Variants in BACH2 observed in about 807,000 individuals in gnomAD.
BACH2 encodes the protein transcription regulator protein BACH2.
In BACH2, 5 loss-of-function variants were observed where a neutral mutation model predicts 61.8. The observed-to-expected ratio is 0.08, with a 90% CI of 0.04 to 0.17. The LOEUF (loss-of-function observed/expected upper bound fraction) is 0.17. Ranked by LOEUF, BACH2 falls within the 10% of genes least tolerant of loss-of-function variation. The pLI is 1.00. For missense variants in BACH2, 824 were observed against 1,091.1 expected, an observed-to-expected ratio of 0.76 and a Z score of 3.45; for synonymous variants, 446 against 440.1, an observed-to-expected ratio of 1.01 and a Z score of -0.17.
chr6:90,286,741 T>G (rs534227358), intron 1 of BACH2, among the ~76,000 whole-genome samples: 1 of 152,106 alleles, frequency 6.6e-6, no homozygotes, highest in Admixed American at 6.5e-5. Context: ...TTAAAATGCA[T>G]AGAATTCTCT....
intron 2 of BACH2, among the ~76,000 whole-genome samples, chr6:90,266,267 G>C (rs1771325708): frequency 6.6e-6 from 1 of 152,132 alleles, no homozygotes; most frequent in Non-Finnish European, 1.5e-5. Flanking sequence ...GTTTAACGAA[G>C]ATACTGAAGC....
intron 5 of BACH2, among the ~76,000 whole-genome samples, chr6:90,041,871 G>T (rs1459611216): frequency 6.6e-6 from 1 of 151,864 alleles, no homozygotes; most frequent in Non-Finnish European, 1.5e-5. Context: ...AGGATTTTTT[G>T]ATATACTTTT....
intron 2 of BACH2, among the ~76,000 whole-genome samples, chr6:90,254,667 G>C (rs946562905): frequency 6.6e-6 from 1 of 151,866 alleles, no homozygotes; most frequent in East Asian, 1.9e-4. Context: ...TTTCCTCTTG[G>C]ACTTTTATCC....
intron 5 of BACH2, among the ~76,000 whole-genome samples, chr6:90,042,271 C>T (rs1779572930): frequency 6.6e-6 from 1 of 152,152 alleles, no homozygotes; most frequent in South Asian, 2.1e-4. Flanking sequence ...TGGGTCACTG[C>T]AACCTCCGCC....
At chr6:90,263,039 T>C (rs564140620) in intron 2 of BACH2, among the ~76,000 whole-genome samples, 4 of 152,290 alleles carry the variant, frequency 2.6e-5, no homozygotes, top group African/African-American at 7.2e-5. Context: ...ATATGTAAAA[T>C]TGGAATTTAA....
chr6:90,131,376 G>A (rs539381500), intron 4 of BACH2, among the ~76,000 whole-genome samples: 1 of 152,312 alleles, frequency 6.6e-6, no homozygotes, highest in East Asian at 1.9e-4. Flanking sequence ...AAAAGAAAGG[G>A]TCACCTTTGT....
chr6:90,287,976 A>G (rs1289746286), intron 1 of BACH2, among the ~76,000 whole-genome samples: 1 of 152,186 alleles, frequency 6.6e-6, no homozygotes, highest in Non-Finnish European at 1.5e-5. Context: ...GTGAGCACAG[A>G]AGGAGGATGG....
intron 5 of BACH2, among the ~76,000 whole-genome samples, chr6:90,019,707 G>A (rs1778275616): frequency 6.6e-6 from 1 of 152,212 alleles, no homozygotes; most frequent in African/African-American, 2.4e-5. Context: ...CCCCTGCAGA[G>A]CTGGTTACAG....
intron 1 of BACH2, among the ~76,000 whole-genome samples, chr6:90,296,232 C>T (rs1475494356): frequency 2.0e-5 from 3 of 151,984 alleles, no homozygotes; most frequent in Non-Finnish European, 4.4e-5. Context: ...CGTAAACAGC[C>T]GGGAGGGAGA....
chr6:90,027,592 T>A (rs1374001992), intron 5 of BACH2, among the ~76,000 whole-genome samples: 2 of 152,180 alleles, frequency 1.3e-5, no homozygotes, highest in Non-Finnish European at 2.9e-5. Context: ...GGCCAGGTGG[T>A]ACCGGAGAGA....
chr6:90,205,241 C>T (rs917009557), intron 4 of BACH2, among the ~76,000 whole-genome samples: 3 of 152,166 alleles, frequency 2.0e-5, no homozygotes, highest in Non-Finnish European at 4.4e-5. Context: ...ACCAAACCAT[C>T]GAACAGGGCT....
At chr6:90,281,380 T>TA (rs1418855324) in intron 1 of BACH2, among the ~76,000 whole-genome samples, 1 of 152,208 alleles carries the variant, frequency 6.6e-6, no homozygotes, top group African/African-American at 2.4e-5. Flanking sequence ...CACACATATA[T>TA]AAAAAACATA....
chr6:90,054,164 G>T (rs1780198461), intron 5 of BACH2, among the ~76,000 whole-genome samples: 1 of 152,226 alleles, frequency 6.6e-6, no homozygotes, highest in Non-Finnish European at 1.5e-5. Context: ...AAAGCAGGGG[G>T]AGGCATCGCC....
At chr6:90,143,294 C>A (rs891134551) in intron 4 of BACH2, among the ~76,000 whole-genome samples, 12 of 152,212 alleles carry the variant, frequency 7.9e-5, no homozygotes, top group East Asian at 3.9e-4. Flanking sequence ...ACATCGATGA[C>A]AATATGAAGG....
At chr6:90,103,198 T>C (rs1782754016) in intron 4 of BACH2, among the ~76,000 whole-genome samples, 1 of 151,344 alleles carries the variant, frequency 6.6e-6, no homozygotes, top group Admixed American at 6.6e-5. Flanking sequence ...ATATCACACT[T>C]TGATTGATTT....
At chr6:90,017,926 T>G (rs762000688) in intron 5 of BACH2, among the ~76,000 whole-genome samples, 7 of 152,214 alleles carry the variant, frequency 4.6e-5, no homozygotes, top group Non-Finnish European at 8.8e-5. Flanking sequence ...CCATAAATAA[T>G]CTTGAGCTTT....
chr6:90,061,477 C>G (rs1165769752), intron 5 of BACH2, among the ~76,000 whole-genome samples: 1 of 152,064 alleles, frequency 6.6e-6, no homozygotes, highest in Admixed American at 6.6e-5. Flanking sequence ...AAATGATTAT[C>G]AAACATCCAA....
Position 90,102,361 on chromosome 6 carries a change from T to G in BACH2, c.-161-13252A>C, listed in dbSNP as rs530021819. On this transcript the variant is annotated intron_variant, in intron 4 of 8. Transcript: ENST00000257749. The stretch of plus-strand genomic sequence containing the variant: ...AGAGGTCAGGTTTCCAGCCTATCCC[T>G]AAAGTCTGTTTAAAGGGGTATCATT... Among the ~76,000 whole-genome samples the G allele has an allele frequency of 2.2e-4, 34 of 152,268 alleles. No homozygotes were observed. In the South Asian group the frequency reaches 7.0e-3, roughly 32 times the overall value.
chr6:90,244,372 G>A (rs1489535549), intron 3 of BACH2, among the ~76,000 whole-genome samples: 2 of 152,182 alleles, frequency 1.3e-5, no homozygotes, highest in African/African-American at 4.8e-5. Context: ...ACCCCTTGAG[G>A]TAATTACTAT....
Sources: gnomAD v4.1 joint callset for allele counts (sites outside exome capture counted in the v4.1 genomes callset) on GRCh38, gnomAD v4.1.1 for gene constraint, MANE v1.5 for transcripts, NCBI Gene and HGNC (gene_info 2026-07-23, HGNC 2026-07-21) for gene names.